The following MYO16 variants were observed in gnomAD, a reference collection of about 807,000 sequenced individuals.
MYO16 encodes the protein myosin XVI, also known as unconventional myosin-XVI.
In MYO16, 94 loss-of-function variants were observed where a neutral mutation model predicts 205.3. The ratio of observed to expected loss-of-function variants is 0.46; its 90% CI spans 0.39 to 0.54. The LOEUF is 0.54. Ranked by LOEUF, MYO16 falls within the 20% of genes least tolerant of loss-of-function variation. MYO16 has a pLI of 0.00. For synonymous variants in MYO16, 988 were observed against 954.0 expected, an observed-to-expected ratio of 1.04 and a Z score of -0.66; for missense variants, 2,315 against 2,387.5, an observed-to-expected ratio of 0.97 and a Z score of 0.63.
At chr13:108,663,632 G>A (rs1159147345) in intron 1 of MYO16, among the ~76,000 whole-genome samples, 1 of 152,106 alleles carries the variant, frequency 6.6e-6, no homozygotes, top group African/African-American at 2.4e-5. Flanking sequence ...ATTCCCTCTT[G>A]ACAGCCTGTG....
At chr13:109,193,348 G>C (rs1243601579) in intron 34 of MYO16, among the ~76,000 whole-genome samples, 1 of 152,144 alleles carries the variant, frequency 6.6e-6, no homozygotes, top group Non-Finnish European at 1.5e-5. Context: ...CTTACCTCCA[G>C]TTCTCAAGTG....
At chr13:108,867,380 TA>T (rs1878774252) in intron 12 of MYO16, among the ~76,000 whole-genome samples, 2 of 151,900 alleles carry the variant, frequency 1.3e-5, no homozygotes, top group Admixed American at 1.3e-4. Flanking sequence ...TAGAATAAAG[TA>T]AAATTAAATT....
intron 28 of MYO16, among the ~76,000 whole-genome samples, chr13:109,118,209 C>CT (rs1288775957): frequency 7.9e-5 from 12 of 152,212 alleles, no homozygotes; most frequent in Admixed American, 3.3e-4. Context: ...GGACATAACT[C>CT]TATGTCCTGA....
At chr13:108,632,925 A>G (rs1880052565) in intron 1 of MYO16, among the ~76,000 whole-genome samples, 1 of 152,186 alleles carries the variant, frequency 6.6e-6, no homozygotes, top group African/African-American at 2.4e-5. Context: ...TTTTGTTTTA[A>G]TGAACTGAAG....
rs547893580 is a variant in MYO16 at position 108,760,667 on chromosome 13, C to T, written c.508-24968C>T. Among the ~76,000 whole-genome samples the T allele has an allele frequency of 3.9e-5, 6 of 152,288 alleles. No homozygotes were observed. The South Asian group carries it at 1.2e-3, about 32-fold the overall frequency. ...ATAAGTACTTTCAATGCCATATGTT[C>T]TCACTCATATGTGGGGACTAAAAAA... On this transcript the variant is annotated intron_variant, in intron 4 of 34. Transcript: ENST00000457511.
chr13:109,003,193 T>C lies in MYO16; in HGVS notation c.2443-5704T>C, dbSNP rs1009933386. Among the ~76,000 whole-genome samples the C allele has an allele frequency of 1.6e-4, 24 of 152,188 alleles. 1 individual carries two copies. The highest frequency in any genetic ancestry group is 2.4e-5 in the African/African-American group (1 of 41,448). ...CTCTCCACTGTTGGAAACACAAATATAGATTTAGTTCCAGAAGGCACCTTC... is the reference window on the plus strand; with the variant it reads ...CTCTCCACTGTTGGAAACACAAATACAGATTTAGTTCCAGAAGGCACCTTC... On this transcript the variant is annotated intron_variant, in intron 21 of 34. Coordinates refer to ENST00000457511, the MANE Select transcript of MYO16 (RefSeq NM_001198950.3).
intron 4 of MYO16, among the ~76,000 whole-genome samples, chr13:108,769,267 C>T (rs1885882542): frequency 6.6e-6 from 1 of 152,088 alleles, no homozygotes; most frequent in African/African-American, 2.4e-5. Flanking sequence ...CCAAGACACC[C>T]TTGGTGGCAC....
intron 34 of MYO16, among the ~76,000 whole-genome samples, chr13:109,188,860 G>A (rs997610774): frequency 9.2e-5 from 14 of 152,258 alleles, no homozygotes; most frequent in African/African-American, 2.6e-4. Flanking sequence ...TTGGGAGGCC[G>A]ACTTGGGTGG....
chr13:108,767,487 A>G (rs112136656), intron 4 of MYO16, among the ~76,000 whole-genome samples: 106 of 152,264 alleles, frequency 7.0e-4, no homozygotes, highest in African/African-American at 2.5e-3. Flanking sequence ...CAATAAAGGT[A>G]GTTATAGAGG....
intron 24 of MYO16, among the ~76,000 whole-genome samples, chr13:109,051,913 T>C (rs541637688): frequency 6.6e-6 from 1 of 152,112 alleles, no homozygotes; most frequent in Non-Finnish European, 1.5e-5. Context: ...AACATTTTCC[T>C]GAGTAGTTAT....
intron 4 of MYO16, among the ~76,000 whole-genome samples, chr13:108,737,485 A>G (rs569992701): frequency 1.6e-4 from 25 of 152,340 alleles, no homozygotes; most frequent in Non-Finnish European, 2.9e-4. Flanking sequence ...CCAGGGATGA[A>G]GCCCACTTGA....
intron 2 of MYO16, among the ~76,000 whole-genome samples, chr13:108,700,244 A>T (rs139585803): frequency 0.014 from 2,070 of 151,478 alleles, 48 homozygotes; most frequent in African/African-American, 0.047. Flanking sequence ...AGGCAGGAGA[A>T]TCTCTTGAAC....
At chr13:109,126,334 G>A (rs963050171) in intron 30 of MYO16, among the ~76,000 whole-genome samples, 3 of 152,112 alleles carry the variant, frequency 2.0e-5, no homozygotes, top group Non-Finnish European at 2.9e-5. Flanking sequence ...TTTTCTACAT[G>A]GGCGGCTGGC....
At chr13:108,672,505 T>G (rs1281352398) in intron 2 of MYO16, among the ~76,000 whole-genome samples, 1 of 152,132 alleles carries the variant, frequency 6.6e-6, no homozygotes, top group Non-Finnish European at 1.5e-5. Context: ...TTATAGTATG[T>G]CATTTAAAAG....
At chr13:108,678,739 A>C (rs1163273465) in intron 2 of MYO16, among the ~76,000 whole-genome samples, 1 of 152,014 alleles carries the variant, frequency 6.6e-6, no homozygotes, top group African/African-American at 2.4e-5. Flanking sequence ...CTTCCTTCTC[A>C]GTCTCCCATG....
chr13:108,968,311 A>G (rs1328889207), intron 20 of MYO16, among the ~76,000 whole-genome samples: 1 of 152,164 alleles, frequency 6.6e-6, no homozygotes, highest in Admixed American at 6.5e-5. Flanking sequence ...ATTGAGGAAT[A>G]AGACAATGTA....
intron 7 of MYO16, among the ~76,000 whole-genome samples, chr13:108,808,975 A>C (rs913695560): frequency 6.6e-6 from 1 of 152,206 alleles, no homozygotes; most frequent in Non-Finnish European, 1.5e-5. Context: ...ATTAGTGGCT[A>C]TCAGTGTTAT....
chr13:108,996,883 A>G (rs1182844674), intron 21 of MYO16, among the ~76,000 whole-genome samples: 3 of 152,236 alleles, frequency 2.0e-5, no homozygotes, highest in Non-Finnish European at 4.4e-5. Context: ...AGTCATGGAA[A>G]CAAATCATTT....
intron 4 of MYO16, among the ~76,000 whole-genome samples, chr13:108,742,204 G>C (rs959328976): frequency 3.9e-5 from 6 of 152,134 alleles, no homozygotes; most frequent in Admixed American, 2.0e-4. Flanking sequence ...ATGTTGGCCA[G>C]GCTGGTCTTG....
Sources: gnomAD v4.1 joint callset for allele counts (sites outside exome capture counted in the v4.1 genomes callset) on GRCh38, gnomAD v4.1.1 for gene constraint, MANE v1.5 for transcripts, NCBI Gene and HGNC (gene_info 2026-07-23, HGNC 2026-07-21) for gene names.